The following UGT3A2 variants were observed in gnomAD, a reference collection of about 807,000 sequenced individuals.
UGT3A2 encodes the protein UDP glycosyltransferase family 3 member A2.
UGT3A2 carries 32 observed loss-of-function variants against 39.8 expected under a neutral mutation model. The ratio of observed to expected loss-of-function variants is 0.80; its 90% CI spans 0.61 to 1.08. UGT3A2 has a LOEUF of 1.08. UGT3A2 is among the 50% of genes least tolerant of loss of function. The pLI, the probability that UGT3A2 is intolerant of heterozygous loss-of-function variation, is 0.00. For synonymous variants in UGT3A2, 241 were observed against 230.7 expected, an observed-to-expected ratio of 1.04 and a Z score of -0.40; for missense variants, 611 against 637.1, an observed-to-expected ratio of 0.96 and a Z score of 0.44.
chr5:36,040,563 G>GCAGTGGAAGTCAGTGCTCTGCAGTCA (rs1426438385), intron 4 of UGT3A2, among the ~76,000 whole-genome samples: 93 of 152,284 alleles, frequency 6.1e-4, no homozygotes, highest in African/African-American at 2.2e-3. Context: ...TATAGACTTT[G>GCAGTGGAAGTCAGTGCTCTGCAGTCA]CAGTGGAAGT....
At chr5:36,061,236 ATTTTAT>A (rs893400348) in intron 2 of UGT3A2, among the ~76,000 whole-genome samples, 1 of 125,952 alleles carries the variant, frequency 7.9e-6, no homozygotes, top group Admixed American at 7.9e-5. Flanking sequence ...GAAATTTTAA[ATTTTAT>A]TATTATTATT....
intron 2 of UGT3A2, among the ~76,000 whole-genome samples, chr5:36,063,612 T>C (rs372236759): frequency 1.3e-5 from 2 of 152,142 alleles, no homozygotes; most frequent in African/African-American, 4.8e-5. Flanking sequence ...AAGTGTTAAA[T>C]AAGGCTGAAT....
intron 4 of UGT3A2, among the ~76,000 whole-genome samples, chr5:36,041,210 G>A (rs934114377): frequency 6.6e-6 from 1 of 152,112 alleles, no homozygotes; most frequent in Non-Finnish European, 1.5e-5. Context: ...CCTGCTTTAG[G>A]AAGGGAGGGA....
chr5:36,046,671 A>G (rs1172579832), intron 4 of UGT3A2, among the ~76,000 whole-genome samples: 1 of 152,224 alleles, frequency 6.6e-6, no homozygotes, highest in African/African-American at 2.4e-5. Context: ...GTTAGAATGT[A>G]TAAGGTCCAG....
chr5:36,064,144 A>T, intron 2 of UGT3A2, 105 bp downstream of exon 2: 1 of 1,038,658 alleles, frequency 9.6e-7, no homozygotes, highest in Non-Finnish European at 1.4e-6. Context: ...TCATCCTTCC[A>T]ATTGAATTAG....
At chr5:36,056,517 G>A (rs1318027793) in intron 2 of UGT3A2, among the ~76,000 whole-genome samples, 5 of 152,330 alleles carry the variant, frequency 3.3e-5, no homozygotes, top group Non-Finnish European at 4.4e-5. Context: ...AATTTGTTGC[G>A]TTATGTGGGT....
rs928815130 is a variant in UGT3A2, at chr5:36,035,518, G to A, written c.*180C>T. 2.8e-5 allele frequency: 25 copies of A among 892,260 alleles called. 1 individual carries two copies. In the East Asian group the frequency reaches 6.2e-4, roughly 22 times the overall value. 55.3% of individuals were successfully genotyped at this position (892,260 alleles called of 1,614,324 possible). A position where few individuals can be genotyped will look rare whatever the true frequency, so the allele number is the denominator to read the frequency against. ...CTGCTAGCAGGCAGGAGCTAGTAAG[G>A]ATGAATTTGTAGCAAAATTAGCAAG... On this transcript the variant is annotated 3_prime_UTR_variant, in exon 7 of 7. Coordinates refer to ENST00000282507, the MANE Select transcript of UGT3A2 (RefSeq NM_174914.4).
At chr5:36,063,490 T>C (rs1436149561) in intron 2 of UGT3A2, among the ~76,000 whole-genome samples, 1 of 152,186 alleles carries the variant, frequency 6.6e-6, no homozygotes, top group Non-Finnish European at 1.5e-5. Context: ...AGCCATAGAC[T>C]CCTAACTTAG....
Position 36,052,022 on chromosome 5 carries a change from A to G in UGT3A2, c.197-38T>C, listed in dbSNP as rs749336423. 2.3e-6 allele frequency: 3 copies of G among 1,309,670 alleles called. No individual in the cohort carries two copies. The South Asian group carries it at 4.1e-5, about 18-fold the overall frequency. The allele number at this position is 1,309,670 out of a possible 1,614,324, so 81.1% of individuals were successfully genotyped here. A position where few individuals can be genotyped will look rare whatever the true frequency, so the allele number is the denominator to read the frequency against. Reference sequence around the variant, plus strand: ...CAACGGGTTAAAAAAAAAGTTAAATATGCTACACAAAAGAGTAACATTAGC... The same window carrying G: ...CAACGGGTTAAAAAAAAAGTTAAATGTGCTACACAAAAGAGTAACATTAGC... On this transcript the variant is annotated intron_variant, in intron 2 of 6. Coordinates refer to ENST00000282507, the MANE Select transcript of UGT3A2 (RefSeq NM_174914.4).
intron 4 of UGT3A2, among the ~76,000 whole-genome samples, chr5:36,042,095 G>T (rs1375121839): frequency 6.6e-6 from 1 of 152,008 alleles, no homozygotes; most frequent in South Asian, 2.1e-4. Flanking sequence ...AAATTCTGGA[G>T]TTGAAAATGC....
intron 4 of UGT3A2, among the ~76,000 whole-genome samples, chr5:36,041,842 A>G (rs908807714): frequency 6.6e-6 from 1 of 152,154 alleles, no homozygotes; most frequent in Non-Finnish European, 1.5e-5. Context: ...CAATGCCCAG[A>G]CATTGATGAA....
rs547597865 is a variant in UGT3A2, at chr5:36,046,146, C to T, written c.843+2743G>A. On this transcript the variant is annotated intron_variant, in intron 4 of 6. Transcript: ENST00000282507. The stretch of plus-strand genomic sequence containing the variant: ...AACAAGGATGTGGAGAAAGCAAACT[C>T]GCACATTGTTTGTGGGAATTTAAAT... Among the ~76,000 whole-genome samples the T allele has an allele frequency of 1.4e-4, 22 of 152,292 alleles. 1 individual carries two copies. The South Asian group carries it at 2.7e-3, about 19-fold the overall frequency.
In UGT3A2 at chr5:36,064,379, G is replaced by C. The variant is rs760388696; in HGVS notation, c.95-29C>G. 4 of 1,569,362 alleles carry C rather than the reference G, an allele frequency of 2.5e-6. No homozygotes were observed. In the African/African-American group the frequency reaches 5.4e-5, roughly 21 times the overall value. ...GGAACAATGCACAACTTCAGTTCTG[G>C]AATGATGAGAATACAGTGTCTGAAG... On this transcript the variant is annotated intron_variant, in intron 1 of 6. Transcript: ENST00000282507.
chr5:36,065,206 A>C (rs1742839954), intron 1 of UGT3A2, among the ~76,000 whole-genome samples: 1 of 152,070 alleles, frequency 6.6e-6, no homozygotes, highest in Non-Finnish European at 1.5e-5. Flanking sequence ...AGAGAAGGTA[A>C]TGTAATAGTA....
intron 4 of UGT3A2, among the ~76,000 whole-genome samples, chr5:36,047,885 C>A (rs558359239): frequency 4.6e-5 from 7 of 152,192 alleles, no homozygotes; most frequent in Non-Finnish European, 7.3e-5. Flanking sequence ...TCAATTACAT[C>A]TCCACGTATT....
intron 2 of UGT3A2, among the ~76,000 whole-genome samples, chr5:36,062,183 T>C (rs1364001734): frequency 6.6e-6 from 1 of 150,408 alleles, no homozygotes; most frequent in Non-Finnish European, 1.5e-5. Context: ...TTTCTCCCAT[T>C]TTGTAGGTTG....
At chr5:36,041,066 C>T (rs1024190995) in intron 4 of UGT3A2, among the ~76,000 whole-genome samples, 1 of 152,150 alleles carries the variant, frequency 6.6e-6, no homozygotes, top group Admixed American at 6.5e-5. Context: ...AACCTGCTGC[C>T]CTGAAGGGAG....
At chr5:36,066,422 T>C (rs1475402964) in intron 1 of UGT3A2, among the ~76,000 whole-genome samples, 1 of 152,082 alleles carries the variant, frequency 6.6e-6, no homozygotes, top group Non-Finnish European at 1.5e-5. Flanking sequence ...AGTCTCAAAT[T>C]TCTGGCCCCA....
intron 4 of UGT3A2, among the ~76,000 whole-genome samples, chr5:36,045,700 C>G (rs187239875): frequency 2.6e-5 from 4 of 151,852 alleles, no homozygotes; most frequent in African/African-American, 9.7e-5. Context: ...ATTGGGGAAA[C>G]GCTCCAGGAT....
Sources: gnomAD v4.1 joint callset for allele counts (sites outside exome capture counted in the v4.1 genomes callset) on GRCh38, gnomAD v4.1.1 for gene constraint, MANE v1.5 for transcripts, NCBI Gene and HGNC (gene_info 2026-07-23, HGNC 2026-07-21) for gene names.